The following TXLNG variants were observed in gnomAD, a reference collection of about 807,000 sequenced individuals.
TXLNG encodes gamma-taxilin.
In TXLNG, 5 loss-of-function variants were observed where a neutral mutation model predicts 38.8. That is an observed-to-expected ratio of 0.13 (90% CI 0.07 to 0.27). The LOEUF (loss-of-function observed/expected upper bound fraction) is 0.27. Ranked by LOEUF, TXLNG falls within the 10% of genes least tolerant of loss-of-function variation. TXLNG has a pLI of 1.00. For missense variants in TXLNG, 393 were observed against 398.2 expected, an observed-to-expected ratio of 0.99 and a Z score of 0.11; for synonymous variants, 182 against 158.2, an observed-to-expected ratio of 1.15 and a Z score of -1.13.
chrX:16,796,984 A>G (rs1364858672), intron 1 of TXLNG, among the ~76,000 whole-genome samples: 1 of 111,666 alleles, frequency 9.0e-6, no homozygotes. Flanking sequence ...TTATTAATTC[A>G]CTTAAAAAAT....
rs181592649 is a variant in TXLNG, at chrX:16,801,112, G to A, written c.102+14523G>A. 6.5e-3 allele frequency among the ~76,000 whole-genome samples: 730 copies of A among 112,853 alleles called. 11 individuals are homozygous for A. The highest frequency in any genetic ancestry group is 0.01 in the Non-Finnish European group (552 of 53,313). Reference sequence around the variant, plus strand: ...TCGCCAGAAGCGATGCCAGCGCCATGCTTCCTGTACAGCCAACAGAACCGT... The same window carrying A: ...TCGCCAGAAGCGATGCCAGCGCCATACTTCCTGTACAGCCAACAGAACCGT... On this transcript the variant is annotated intron_variant, in intron 1 of 9. Coordinates refer to ENST00000380122, the MANE Select transcript of TXLNG (RefSeq NM_018360.3).
intron 1 of TXLNG, among the ~76,000 whole-genome samples, chrX:16,811,643 C>A (rs1448363368): frequency 3.8e-5 from 4 of 106,035 alleles, no homozygotes; most frequent in Non-Finnish European, 5.8e-5. Flanking sequence ...CCACCGTGGC[C>A]GGCTTTTTTT....
chrX:16,819,452 TAAGA>T (rs1006653668), intron 2 of TXLNG, among the ~76,000 whole-genome samples: 1 of 110,986 alleles, frequency 9.0e-6, no homozygotes, highest in Non-Finnish European at 1.9e-5. Flanking sequence ...ATCTTACATA[TAAGA>T]ATGAACATTA....
At chrX:16,840,970 G>A (rs1348222696) in intron 9 of TXLNG, among the ~76,000 whole-genome samples, 5 of 111,224 alleles carry the variant, frequency 4.5e-5, no homozygotes, top group Non-Finnish European at 9.4e-5. Context: ...GCCAAGGCGG[G>A]CAGATCACGA....
chrX:16,834,844 T>C (rs1304713657), intron 7 of TXLNG, among the ~76,000 whole-genome samples: 1 of 112,660 alleles, frequency 8.9e-6, no homozygotes, highest in East Asian at 2.8e-4. Flanking sequence ...CTCTAATATC[T>C]TTAGAGTTTT....
intron 3 of TXLNG, among the ~76,000 whole-genome samples, chrX:16,825,683 A>G (rs980518809): frequency 8.9e-6 from 1 of 112,314 alleles, no homozygotes; most frequent in Non-Finnish European, 1.9e-5. Flanking sequence ...CTGTGTTTTT[A>G]AAAAGTGGAA....
chrX:16,793,498 T>C (rs80038256), intron 1 of TXLNG, among the ~76,000 whole-genome samples: 1 of 110,122 alleles, frequency 9.1e-6, no homozygotes, highest in Non-Finnish European at 1.9e-5. Context: ...TTTTTTTTTT[T>C]CATGTTTCTT....
At chrX:16,839,758 C>G in intron 8 of TXLNG, 63 bp from the exon 9 acceptor site, 1 of 848,539 alleles carries the variant, frequency 1.2e-6, no homozygotes, top group East Asian at 3.3e-5. Flanking sequence ...TTTTTGTGTA[C>G]TGGGACAGGG....
chrX:16,839,277 T>TTA (rs2147501979), intron 8 of TXLNG: 1 of 111,311 alleles, frequency 9.0e-6, no homozygotes, highest in Non-Finnish European at 1.9e-5. Flanking sequence ...GTCACTGGAG[T>TTA]CTTACCTGAA....
rs188817258 is a variant in TXLNG at position 16,837,184 on chromosome X, T to G, written c.1060-409T>G. On this transcript the variant is annotated intron_variant, in intron 7 of 9. Coordinates refer to ENST00000380122, the MANE Select transcript of TXLNG (RefSeq NM_018360.3). ...CCAATTCTTTGGCTTCTGTTGCATT[T>G]TCCTCCCTTCGTTAAGGAAAGAGAT... Among the ~76,000 whole-genome samples, 143 of 112,135 alleles carry G rather than the reference T, an allele frequency of 1.3e-3. 1 individual carries two copies. In the Admixed American group the frequency reaches 0.014, roughly 11 times the overall value.
rs1929454995 is a variant in TXLNG, at chrX:16,832,677, A to G, written c.919A>G (p.Lys307Glu). The G allele has an allele frequency of 8.3e-7, 1 of 1,208,508 alleles. No individual in the cohort carries two copies. Residue 307 changes from lysine (K) to glutamate (E), a missense_variant, in exon 6 of 10, where the codon AAA becomes GAA. Transcript: ENST00000380122. ...ACTGCAACAGCAGCTCGTGGATGCC[A>G]AACTGCAGCAAACGACACAACTGAT... ...KELQQQLVDA[K>E]LQQTTQLIKE... is the part of the protein sequence containing the mutation.
rs778259184 is a variant in TXLNG at position 16,815,361 on chromosome X, G to C, written c.103-3213G>C. 8.2e-5 allele frequency among the ~76,000 whole-genome samples: 9 copies of C among 109,199 alleles called. No individual in the cohort carries two copies. The East Asian group carries it at 2.6e-3, about 32-fold the overall frequency. The allele number at this position is 109,199 out of a possible 115,157, so 94.8% of individuals were successfully genotyped here. ...CAGTTAAATTTGTATTTTTAGTAGA[G>C]ACGGGACTTCACCATGTTGATCAGG... On this transcript the variant is annotated intron_variant, in intron 1 of 9. Coordinates refer to ENST00000380122, the MANE Select transcript of TXLNG (RefSeq NM_018360.3).
intron 1 of TXLNG, among the ~76,000 whole-genome samples, chrX:16,802,285 C>G (rs1928133887): frequency 1.0e-5 from 1 of 99,702 alleles, no homozygotes; most frequent in African/African-American, 3.7e-5. Context: ...CAGTCTTACT[C>G]TGTCACCCAG....
In TXLNG at chrX:16,828,177, G is replaced by A. The variant is rs1929239262; in HGVS notation, c.582G>A (p.Leu194=). The A allele has an allele frequency of 8.3e-7, 1 of 1,210,498 alleles. No homozygotes were observed. The highest frequency in any genetic ancestry group is 1.1e-6 in the Non-Finnish European group (1 of 894,521). ...QAQIVKEKVH[L]QSEHSKAILA... Reference sequence around the variant, plus strand: ...AGATTGTGAAAGAGAAAGTTCACTTGCAGAGTGAACATAGCAAGGCTATCT... The same window carrying A: ...AGATTGTGAAAGAGAAAGTTCACTTACAGAGTGAACATAGCAAGGCTATCT... Residue 194 remains leucine (L), a synonymous_variant, in exon 4 of 10, where the codon TTG becomes TTA. Transcript: ENST00000380122.
chrX:16,821,889 G>C (rs1462914525), intron 3 of TXLNG, among the ~76,000 whole-genome samples: 2 of 109,908 alleles, frequency 1.8e-5, no homozygotes, highest in Non-Finnish European at 3.8e-5. Context: ...AGCTACTCGG[G>C]AGGCTGAGGC....
intron 3 of TXLNG, among the ~76,000 whole-genome samples, chrX:16,824,570 A>C (rs752937220): frequency 9.0e-6 from 1 of 110,561 alleles, no homozygotes; most frequent in East Asian, 2.8e-4. Context: ...AGATTGTACA[A>C]ATTTGCTTTA....
chrX:16,803,824 C>T (rs1426079913), intron 1 of TXLNG, among the ~76,000 whole-genome samples: 3 of 109,547 alleles, frequency 2.7e-5, no homozygotes, highest in African/African-American at 9.9e-5. Flanking sequence ...TGGTGGCGCA[C>T]GCCTGTAATC....
intron 6 of TXLNG, among the ~76,000 whole-genome samples, 165 bp downstream of exon 6, chrX:16,832,907 G>T (rs763220938): frequency 1.8e-5 from 2 of 112,296 alleles, no homozygotes; most frequent in Non-Finnish European, 3.8e-5. Flanking sequence ...ATTGAGAAGA[G>T]AGTATGTGGT....
intron 8 of TXLNG, among the ~76,000 whole-genome samples, chrX:16,838,124 TTTC>T (rs774730375): frequency 6.3e-5 from 7 of 111,821 alleles, no homozygotes; most frequent in Admixed American, 2.9e-4. Context: ...CTTCTCTGTT[TTTC>T]TTATCTTTAC....
Sources: allele counts gnomAD v4.1 joint callset (sites outside exome capture counted in the v4.1 genomes callset), GRCh38; gene constraint gnomAD v4.1.1; transcripts MANE v1.5; gene names NCBI Gene and HGNC (gene_info 2026-07-23, HGNC 2026-07-21).